ZNF33A: variants seen among roughly 807,000 people sequenced by gnomAD.
The protein encoded by ZNF33A is brain my041 protein.
A neutral mutation model predicts 15.9 loss-of-function variants in ZNF33A; 9 were observed. That is an observed-to-expected ratio of 0.57 (90% CI 0.34 to 0.99). The LOEUF (loss-of-function observed/expected upper bound fraction) is 0.99, where lower values mean the gene tolerates loss of function less well. Among genes scored for constraint, ZNF33A ranks in the 50% least tolerant of loss-of-function variants. The probability of loss-of-function intolerance (pLI) is 0.02; values close to 1 mark genes in which losing one functional copy is unlikely to be tolerated. For synonymous variants in ZNF33A, 294 were observed against 324.2 expected, an observed-to-expected ratio of 0.91 and a Z score of 1.00; for missense variants, 843 against 941.6, an observed-to-expected ratio of 0.90 and a Z score of 1.37.
chr10:38,046,188 G>C (rs1188549119), intron 4 of ZNF33A, among the ~76,000 whole-genome samples: 1 of 152,200 alleles, frequency 6.6e-6, no homozygotes, highest in Non-Finnish European at 1.5e-5. Context: ...TGGCTTGCAG[G>C]AGATAGATGC....
chr10:38,013,971 G>A (rs2064322424), intron 2 of ZNF33A, among the ~76,000 whole-genome samples: 1 of 150,636 alleles, frequency 6.6e-6, no homozygotes, highest in African/African-American at 2.4e-5. Flanking sequence ...GGCTTCAGTG[G>A]CAGAGTTGAA....
At chr10:38,035,111 C>CTTTTTTTTTT (rs71007683) in intron 4 of ZNF33A, among the ~76,000 whole-genome samples, 26 of 85,776 alleles carry the variant, frequency 3.0e-4, no homozygotes, top group East Asian at 8.6e-4. Context: ...CATTTACTTT[C>CTTTTTTTTTT]TTTTTTTTTT....
At chr10:38,010,835 T>A in intron 1 of ZNF33A, 52 bp downstream of exon 1, 1 of 1,590,384 alleles carries the variant, frequency 6.3e-7, no homozygotes, top group Non-Finnish European at 8.5e-7. Flanking sequence ...GCGCGACTCC[T>A]GGGGCGGGCG....
chr10:38,011,049 G>A (rs924875099), intron 1 of ZNF33A, among the ~76,000 whole-genome samples: 1 of 152,216 alleles, frequency 6.6e-6, no homozygotes, highest in East Asian at 1.9e-4. Context: ...CAGTCCGCGC[G>A]CTGAGCCTTG....
chr10:38,033,289 C>T (rs1590581781), intron 4 of ZNF33A, among the ~76,000 whole-genome samples: 1 of 152,150 alleles, frequency 6.6e-6, no homozygotes, highest in African/African-American at 2.4e-5. Context: ...ATCAATATTT[C>T]ACTTGTTTTT....
chr10:38,047,172 G>C (rs1355525672), intron 4 of ZNF33A, among the ~76,000 whole-genome samples: 1 of 100,638 alleles, frequency 9.9e-6, no homozygotes, highest in East Asian at 2.8e-4. Flanking sequence ...GAGTGAGACC[G>C]TCTCCCCCCA....
chr10:38,063,462 T>G (rs1343990912), downstream of ZNF33A, among the ~76,000 whole-genome samples: 1 of 152,182 alleles, frequency 6.6e-6, no homozygotes, highest in Non-Finnish European at 1.5e-5. Flanking sequence ...GAGGTGCATG[T>G]AAATATATAC....
At chr10:38,041,877 C>T (rs555337975) in intron 4 of ZNF33A, among the ~76,000 whole-genome samples, 1 of 151,912 alleles carries the variant, frequency 6.6e-6, no homozygotes, top group South Asian at 2.1e-4. Context: ...ACTTTAAGTT[C>T]TGTGATACAT....
At chr10:38,011,180 TC>T (rs1327633849) in intron 1 of ZNF33A, among the ~76,000 whole-genome samples, 7 of 152,228 alleles carry the variant, frequency 4.6e-5, no homozygotes, top group African/African-American at 1.7e-4. Flanking sequence ...CGTATTGCAT[TC>T]ATCCTCTTTA....
chr10:38,030,912 A>G (rs577668543), intron 4 of ZNF33A, among the ~76,000 whole-genome samples: 1 of 152,300 alleles, frequency 6.6e-6, no homozygotes, highest in South Asian at 2.1e-4. Context: ...TTTTATTTGG[A>G]TAACACTTTT....
At chr10:38,028,397 T>G (rs2065070555) in intron 4 of ZNF33A, among the ~76,000 whole-genome samples, 1 of 152,120 alleles carries the variant, frequency 6.6e-6, no homozygotes, top group Admixed American at 6.5e-5. Flanking sequence ...CATACTGCAT[T>G]TTGTTTTCTG....
At chr10:38,018,119 A>C (rs1283921567) in intron 4 of ZNF33A, among the ~76,000 whole-genome samples, 1 of 152,222 alleles carries the variant, frequency 6.6e-6, no homozygotes. Context: ...AATATAAAAA[A>C]ATAAATTATG....
chr10:38,056,786 T>G lies in ZNF33A; in HGVS notation c.*226T>G. Reference sequence around the variant, plus strand: ...TTACACTGAGGAGAAAATTGTCAATTTAAGAAATCTAAAGTGAAAATTTTG... The same window carrying G: ...TTACACTGAGGAGAAAATTGTCAATGTAAGAAATCTAAAGTGAAAATTTTG... On this transcript the variant is annotated 3_prime_UTR_variant, in exon 5 of 5. Coordinates refer to ENST00000432900, the MANE Select transcript of ZNF33A (RefSeq NM_006954.2). 8.3e-7 allele frequency: 1 copy of G among 1,204,934 alleles called. No homozygotes were observed. The highest frequency in any genetic ancestry group is 4.0e-5 in the South Asian group (1 of 25,182). 74.6% of individuals were successfully genotyped at this position (1,204,934 alleles called of 1,614,324 possible).
intron 4 of ZNF33A, among the ~76,000 whole-genome samples, chr10:38,036,266 C>G (rs1239421673): frequency 6.6e-6 from 1 of 151,912 alleles, no homozygotes; most frequent in Non-Finnish European, 1.5e-5. Context: ...GTGGTAAAAC[C>G]CTGTCTACTA....
chr10:38,028,337 A>G (rs1176251456), intron 4 of ZNF33A, among the ~76,000 whole-genome samples: 1 of 152,118 alleles, frequency 6.6e-6, no homozygotes, highest in Non-Finnish European at 1.5e-5. Flanking sequence ...TGATTGGTAC[A>G]TTCAATCAAT....
At position 38,059,669 on chromosome 10, in the gene ZNF33A, G is replaced by GATCA. The variant is rs2066621699; in HGVS notation, c.*3110_*3111insTCAA. 1 of 152,198 alleles carries GATCA rather than the reference G, an allele frequency of 6.6e-6. No individual in the cohort carries two copies. The highest frequency in any genetic ancestry group is 2.4e-5 in the African/African-American group (1 of 41,440). The allele number at this position is 152,198 out of a possible 1,614,324, so 9.4% of individuals were successfully genotyped here. On this transcript the variant is annotated 3_prime_UTR_variant, in exon 5 of 5. Coordinates refer to ENST00000432900, the MANE Select transcript of ZNF33A (RefSeq NM_006954.2). ...ACATTTTGGGAGAGGCAAAACTATT[G>GATCA]AGCCAGTGAAAGGACCAGTGGTTGC...
chr10:38,042,132 A>C (rs1431002696), intron 4 of ZNF33A, among the ~76,000 whole-genome samples: 2 of 151,484 alleles, frequency 1.3e-5, no homozygotes, highest in African/African-American at 4.8e-5. Context: ...GTTTGTGTGG[A>C]TTCAGAGTTA....
downstream of ZNF33A, chr10:38,065,078 A>G (rs2505218): frequency 0.22 from 33,264 of 152,170 alleles, 3,849 homozygotes; most frequent in East Asian, 0.41. Context: ...TTGTTTGTTT[A>G]TTTGTTTGTT....
At chr10:38,011,575 C>CAAAAAAAAAAAAAAAAAA (rs558399540) in intron 1 of ZNF33A, among the ~76,000 whole-genome samples, 4 of 148,748 alleles carry the variant, frequency 2.7e-5, no homozygotes, top group Non-Finnish European at 6.0e-5. Context: ...AACTCCGTCT[C>CAAAAAAAAAAAAAAAAAA]AAAAAAAAAC....
Sources: allele counts gnomAD v4.1 joint callset (sites outside exome capture counted in the v4.1 genomes callset), GRCh38; gene constraint gnomAD v4.1.1; transcripts MANE v1.5; gene names NCBI Gene and HGNC (gene_info 2026-07-23, HGNC 2026-07-21).